The following PCBD2 variants were observed in gnomAD, a reference collection of about 807,000 sequenced individuals.
The protein encoded by PCBD2 is pterin-4-alpha-carbinolamine dehydratase 2.
Under a neutral mutation model 16.4 loss-of-function variants are expected in PCBD2, and 12 were observed. The ratio of observed to expected loss-of-function variants is 0.73; its 90% CI spans 0.47 to 1.19. The LOEUF (loss-of-function observed/expected upper bound fraction) is 1.19. Among genes scored for constraint, PCBD2 ranks in the 50% most tolerant of loss-of-function variants. The probability of loss-of-function intolerance (pLI) is 0.00; values close to 1 mark genes in which losing one functional copy is unlikely to be tolerated. For missense variants in PCBD2, 138 were observed against 156.8 expected, an observed-to-expected ratio of 0.88 and a Z score of 0.64; for synonymous variants, 58 against 61.8, an observed-to-expected ratio of 0.94 and a Z score of 0.29.
At position 134,960,799 on chromosome 5, in the gene PCBD2, C is replaced by A. The variant is rs879876507; in HGVS notation, c.*118C>A. On this transcript the variant is annotated 3_prime_UTR_variant, in exon 4 of 4. Coordinates refer to ENST00000254908, the MANE Select transcript of PCBD2 (RefSeq NM_032151.5). Reference sequence around the variant, plus strand: ...CTCTTTTTTTTAAGACAGAGTGTTGCTCTGTCGCCCAGGCCAGAGTGCAGT... The same window carrying A: ...CTCTTTTTTTTAAGACAGAGTGTTGATCTGTCGCCCAGGCCAGAGTGCAGT... The A allele has an allele frequency of 4.7e-6, 4 of 842,346 alleles. No individual in the cohort carries two copies. The highest frequency in any genetic ancestry group is 7.4e-6 in the Non-Finnish European group (4 of 540,670). The allele number at this position is 842,346 out of a possible 1,614,324, so 52.2% of individuals were successfully genotyped here.
intron 2 of PCBD2, among the ~76,000 whole-genome samples, chr5:134,947,678 C>T (rs897336636): frequency 3.9e-5 from 6 of 152,072 alleles, no homozygotes; most frequent in East Asian, 1.9e-4. Flanking sequence ...TGAGCCACCG[C>T]GCTCGGCCCC....
intron 1 of PCBD2, among the ~76,000 whole-genome samples, chr5:134,907,715 C>T (rs921046207): frequency 1.4e-5 from 2 of 146,734 alleles, no homozygotes; most frequent in African/African-American, 2.5e-5. Context: ...CTCTATCATC[C>T]GGGTTCAAAT....
chr5:134,925,403 C>A, intron 2 of PCBD2: 1 of 398,214 alleles, frequency 2.5e-6, no homozygotes, highest in South Asian at 1.3e-4. Flanking sequence ...ATATCTTGTT[C>A]ATTGTTGAGG....
chr5:134,905,176 C>T lies in PCBD2; in HGVS notation c.37C>T (p.Arg13Cys). Reference protein sequence around the residue: ...AVLGALGATRRLLAALRGQSL... With the variant: ...AVLGALGATRCLLAALRGQSL... ...GCTCGGGGCGCTCGGGGCGACGCGG[C>T]GCTTGTTGGCGGCGCTGCGAGGCCA... is the stretch of plus-strand genomic sequence containing the variant. Residue 13 changes from arginine to cysteine, a missense_variant, in exon 1 of 4, where the codon CGC becomes TGC. By Grantham distance (180) the Arg-to-Cys change is radical. Coordinates refer to ENST00000254908, the MANE Select transcript of PCBD2 (RefSeq NM_032151.5). 1 of 1,223,518 alleles carries T rather than the reference C, an allele frequency of 8.2e-7. No homozygotes were observed. Among genetic ancestry groups the T allele is most frequent in the Non-Finnish European group, 1.0e-6 (1 of 982,860 alleles). 75.8% of individuals were successfully genotyped at this position (1,223,518 alleles called of 1,614,324 possible).
chr5:134,922,380 GTTC>G (rs970131277), intron 2 of PCBD2, among the ~76,000 whole-genome samples: 6 of 151,828 alleles, frequency 4.0e-5, no homozygotes, highest in East Asian at 2.0e-4. Flanking sequence ...TATTCAAACT[GTTC>G]TTCTCCTTTC....
At chr5:134,912,217 G>A (rs1454589315) in intron 2 of PCBD2, among the ~76,000 whole-genome samples, 1 of 152,182 alleles carries the variant, frequency 6.6e-6, no homozygotes, top group Non-Finnish European at 1.5e-5. Context: ...AAAATCAGCT[G>A]ATGTCAGGGA....
At chr5:134,955,880 T>C (rs1751409540) in intron 2 of PCBD2, among the ~76,000 whole-genome samples, 1 of 152,204 alleles carries the variant, frequency 6.6e-6, no homozygotes, top group African/African-American at 2.4e-5. Context: ...GCAGATGCTT[T>C]TCACCATCTG....
chr5:134,917,889 A>G (rs938266010), intron 2 of PCBD2, among the ~76,000 whole-genome samples: 2 of 152,186 alleles, frequency 1.3e-5, no homozygotes, highest in African/African-American at 4.8e-5. Context: ...CTTACTTTAT[A>G]AAAATGTTTT....
intron 2 of PCBD2, among the ~76,000 whole-genome samples, chr5:134,913,292 G>A (rs1031469447): frequency 6.6e-5 from 10 of 152,162 alleles, no homozygotes; most frequent in South Asian, 2.1e-4. Flanking sequence ...GGAGTGGAGG[G>A]GGACAGAGGC....
Position 134,910,339 on chromosome 5 carries a change from C to G in PCBD2, c.89C>G (p.Ser30Ter). ...GQSLGLAAMS[S>*]GTHRLTAEER... ...TGAAATGTGTTCTCTTCATAGTCAT[C>G]AGGTACTCACAGGTTGACTGCAGAG... The change falls in exon 2 of 4, where the codon TCA (serine) becomes TGA (stop). Residue 30 changes from serine (S) to a stop codon, truncating the protein, a stop_gained. Transcript: ENST00000254908. LOFTEE classifies it high-confidence loss of function. 8 of 1,613,620 alleles carry G rather than the reference C, an allele frequency of 5.0e-6. No individual in the cohort carries two copies. The highest frequency in any genetic ancestry group is 1.7e-5 in the Admixed American group (1 of 59,936).
intron 2 of PCBD2, chr5:134,924,233 G>T: frequency 2.5e-6 from 1 of 395,538 alleles, no homozygotes; most frequent in South Asian, 1.3e-4. Flanking sequence ...TTAGTGGTGT[G>T]ATTGGGTGTG....
chr5:134,922,210 G>GT (rs1321959128), intron 2 of PCBD2, among the ~76,000 whole-genome samples: 2 of 151,996 alleles, frequency 1.3e-5, no homozygotes, highest in Admixed American at 6.6e-5. Context: ...TTTTGTTTTT[G>GT]TTTTGTTTTG....
chr5:134,931,915 C>T (rs1751103575), intron 2 of PCBD2, among the ~76,000 whole-genome samples: 1 of 152,132 alleles, frequency 6.6e-6, no homozygotes, highest in African/African-American at 2.4e-5. Flanking sequence ...TTCCCTATGC[C>T]CTACCCTGAA....
At chr5:134,906,453 C>T (rs1351829893) in intron 1 of PCBD2, among the ~76,000 whole-genome samples, 1 of 151,982 alleles carries the variant, frequency 6.6e-6, no homozygotes, top group African/African-American at 2.4e-5. Flanking sequence ...ATCCACCCTC[C>T]TCGGCCTCCC....
intron 2 of PCBD2, among the ~76,000 whole-genome samples, chr5:134,915,188 G>A (rs1363986392): frequency 2.0e-5 from 3 of 151,744 alleles, no homozygotes; most frequent in East Asian, 2.0e-4. Context: ...GGTGGCGTGC[G>A]CCTGTAATCC....
chr5:134,931,721 C>T (rs1751097377), intron 2 of PCBD2, among the ~76,000 whole-genome samples: 1 of 152,158 alleles, frequency 6.6e-6, no homozygotes, highest in South Asian at 2.1e-4. Flanking sequence ...ATATGGATTG[C>T]AGTTTTGTTT....
At position 134,907,912 on chromosome 5, in the gene PCBD2, A is replaced by G. The variant is rs968056797; in HGVS notation, c.85-2423A>G. ...GCTGGGATTACAGGTGTGAGCCACC[A>G]CGCCCGGACTTTTTTTTTTTTTTTT... On this transcript the variant is annotated intron_variant, in intron 1 of 3. Coordinates refer to ENST00000254908, the MANE Select transcript of PCBD2 (RefSeq NM_032151.5). Among the ~76,000 whole-genome samples the G allele has an allele frequency of 2.1e-5, 3 of 142,448 alleles. No homozygotes were observed. In the South Asian group the frequency reaches 6.6e-4, roughly 32 times the overall value. The allele number at this position is 142,448 out of a possible 152,430, so 93.5% of individuals were successfully genotyped here.
At chr5:134,920,908 C>T (rs377542859) in intron 2 of PCBD2, among the ~76,000 whole-genome samples, 1 of 152,246 alleles carries the variant, frequency 6.6e-6, no homozygotes, top group African/African-American at 2.4e-5. Flanking sequence ...TCAAGTGATC[C>T]GCCCGCCTTG....
intron 2 of PCBD2, among the ~76,000 whole-genome samples, chr5:134,955,095 G>T (rs1055198555): frequency 1.3e-5 from 2 of 151,536 alleles, no homozygotes; most frequent in Admixed American, 1.3e-4. Flanking sequence ...ATGCCAAAAG[G>T]ATTTTTTAAT....
Sources: allele counts gnomAD v4.1 joint callset (sites outside exome capture counted in the v4.1 genomes callset), GRCh38; gene constraint gnomAD v4.1.1; transcripts MANE v1.5; gene names NCBI Gene and HGNC (gene_info 2026-07-23, HGNC 2026-07-21).